Variants in TAFA2 observed in about 807,000 individuals in gnomAD.
The protein encoded by TAFA2 is TAFA chemokine like family member 2.
Under a neutral mutation model 18.8 loss-of-function variants are expected in TAFA2, and 7 were observed. That is an observed-to-expected ratio of 0.37 (90% CI 0.21 to 0.70). The LOEUF is 0.70. TAFA2 is among the 30% of genes least tolerant of loss of function. TAFA2 has a pLI of 0.53. For synonymous variants in TAFA2, 60 were observed against 54.2 expected (o/e 1.11, Z -0.47); for missense variants, 122 against 158.1 (o/e 0.77, Z 1.23).
chr12:62,222,530 C>T (rs1051668086), intron 1 of TAFA2, among the ~76,000 whole-genome samples: 14 of 151,938 alleles, frequency 9.2e-5, no homozygotes, highest in East Asian at 3.9e-4. Context: ...TATTTTGAGA[C>T]GGAGTCTTGC....
chr12:62,007,730 A>G (rs1258012224), intron 1 of TAFA2, among the ~76,000 whole-genome samples: 1 of 151,216 alleles, frequency 6.6e-6, no homozygotes, highest in Non-Finnish European at 1.5e-5. Context: ...ATACATAACA[A>G]TACGGGGTAC....
chr12:62,105,303 G>GATT (rs1478265468), intron 1 of TAFA2, among the ~76,000 whole-genome samples: 4 of 152,176 alleles, frequency 2.6e-5, no homozygotes, highest in Non-Finnish European at 5.9e-5. Flanking sequence ...AGACTGCAAT[G>GATT]ATTATTGATA....
intron 2 of TAFA2, chr12:61,776,138 C>A (rs2120863469): frequency 2.4e-6 from 1 of 408,176 alleles, no homozygotes; most frequent in Non-Finnish European, 4.8e-6. Flanking sequence ...ATGCTGTTGG[C>A]ATTATTGTAA....
intron 1 of TAFA2, among the ~76,000 whole-genome samples, chr12:62,201,198 G>C (rs530512743): frequency 6.6e-6 from 1 of 152,132 alleles, no homozygotes; most frequent in African/African-American, 2.4e-5. Context: ...GAGACAGTTT[G>C]ACTTCCTCTC....
chr12:62,238,268 A>G (rs2136988173), intron 1 of TAFA2, among the ~76,000 whole-genome samples: 1 of 152,276 alleles, frequency 6.6e-6, no homozygotes, highest in South Asian at 2.1e-4. Context: ...TTGTGGTCCT[A>G]GGGGTCATCT....
chr12:61,846,545 A>G (rs1873413653), intron 2 of TAFA2, among the ~76,000 whole-genome samples: 1 of 152,206 alleles, frequency 6.6e-6, no homozygotes, highest in African/African-American at 2.4e-5. Context: ...ATACTCTGAT[A>G]AAATAAGACC....
chr12:61,829,170 G>C (rs1235935361), intron 2 of TAFA2, among the ~76,000 whole-genome samples: 1 of 151,710 alleles, frequency 6.6e-6, no homozygotes, highest in Non-Finnish European at 1.5e-5. Flanking sequence ...ACACTTATAA[G>C]AATATAAGAA....
At chr12:61,732,871 T>C (rs535137848) in intron 4 of TAFA2, among the ~76,000 whole-genome samples, 3 of 152,148 alleles carry the variant, frequency 2.0e-5, no homozygotes, top group South Asian at 4.1e-4. Context: ...TTTAGCTATA[T>C]TGAAATATTC....
At chr12:62,074,291 GTACTT>G (rs1882705900) in intron 1 of TAFA2, among the ~76,000 whole-genome samples, 1 of 152,166 alleles carries the variant, frequency 6.6e-6, no homozygotes, top group African/African-American at 2.4e-5. Context: ...ATATCATTAA[GTACTT>G]TATTTTTGCA....
chr12:61,797,673 T>C (rs894255614), intron 2 of TAFA2, among the ~76,000 whole-genome samples: 45 of 152,188 alleles, frequency 3.0e-4, no homozygotes, highest in Admixed American at 3.9e-4. Context: ...ATTCAATCAG[T>C]GCTTCGGCAC....
intron 1 of TAFA2, among the ~76,000 whole-genome samples, chr12:62,001,278 G>A (rs1880367109): frequency 6.6e-6 from 1 of 152,132 alleles, no homozygotes; most frequent in South Asian, 2.1e-4. Flanking sequence ...TGGTTTTGTG[G>A]AAGACGATTT....
intron 1 of TAFA2, among the ~76,000 whole-genome samples, chr12:62,155,015 G>A (rs971501400): frequency 2.6e-5 from 4 of 152,254 alleles, no homozygotes; most frequent in African/African-American, 7.2e-5. Context: ...GTCCCTGTTT[G>A]CAGACAATGT....
intron 1 of TAFA2, among the ~76,000 whole-genome samples, chr12:62,144,788 T>C (rs1380990452): frequency 6.6e-6 from 1 of 152,214 alleles, no homozygotes; most frequent in African/African-American, 2.4e-5. Context: ...TTTTTTTTAT[T>C]AAACCACTGC....
At chr12:62,002,563 T>C (rs1269744388) in intron 1 of TAFA2, among the ~76,000 whole-genome samples, 1 of 152,182 alleles carries the variant, frequency 6.6e-6, no homozygotes, top group East Asian at 1.9e-4. Context: ...AAACCCTCAT[T>C]GTTGACATAG....
intron 4 of TAFA2, among the ~76,000 whole-genome samples, chr12:61,747,099 C>T (rs1868750583): frequency 6.6e-6 from 1 of 151,992 alleles, no homozygotes; most frequent in South Asian, 2.1e-4. Context: ...TTTATGCAGC[C>T]AAAAAACACA....
chr12:61,900,521 T>C (rs1876051071), intron 1 of TAFA2, among the ~76,000 whole-genome samples: 1 of 152,170 alleles, frequency 6.6e-6, no homozygotes, highest in African/African-American at 2.4e-5. Flanking sequence ...TCAGGCAACT[T>C]GCAAACATAC....
At chr12:61,975,668 A>G (rs1879407256) in intron 1 of TAFA2, among the ~76,000 whole-genome samples, 1 of 151,756 alleles carries the variant, frequency 6.6e-6, no homozygotes, top group Non-Finnish European at 1.5e-5. Flanking sequence ...ATGCAGAGGT[A>G]GGTGCAATTC....
chr12:62,147,397 C>T (rs1324405319), intron 1 of TAFA2, among the ~76,000 whole-genome samples: 1 of 137,498 alleles, frequency 7.3e-6, no homozygotes, highest in Admixed American at 7.4e-5. Context: ...CAAAAATTGA[C>T]ACCTGAGACC....
At chr12:62,149,888 T>C (rs1240673109) in intron 1 of TAFA2, among the ~76,000 whole-genome samples, 4 of 152,284 alleles carry the variant, frequency 2.6e-5, no homozygotes, top group East Asian at 1.9e-4. Context: ...ATTTGTGAAA[T>C]TGCTGTTGAA....
Sources: gnomAD v4.1 joint callset for allele counts (sites outside exome capture counted in the v4.1 genomes callset) on GRCh38, gnomAD v4.1.1 for gene constraint, MANE v1.5 for transcripts, NCBI Gene and HGNC (gene_info 2026-07-23, HGNC 2026-07-21) for gene names.